CSMD1: variants seen among roughly 807,000 people sequenced by gnomAD.
CSMD1 encodes CUB and sushi domain-containing protein 1.
CSMD1 carries 213 observed loss-of-function variants against 417.5 expected under a neutral mutation model. That is an observed-to-expected ratio of 0.51 (90% confidence interval 0.46 to 0.57). The LOEUF is 0.57. Among genes scored for constraint, CSMD1 ranks in the 20% least tolerant of loss-of-function variants. CSMD1 has a pLI of 0.00. For synonymous variants in CSMD1, 2,862 were observed against 1,736.8 expected, an observed-to-expected ratio of 1.65 and a Z score of -16.11; for missense variants, 6,923 against 4,529.7, an observed-to-expected ratio of 1.53 and a Z score of -15.17.
intron 5 of CSMD1, among the ~76,000 whole-genome samples, chr8:3,846,182 G>C (rs892268173): frequency 1.3e-5 from 2 of 152,146 alleles, no homozygotes; most frequent in Non-Finnish European, 2.9e-5. Flanking sequence ...AAGTGTATGT[G>C]CTAGGCTTTT....
At chr8:4,237,851 TA>T (rs1184213649) in intron 3 of CSMD1, among the ~76,000 whole-genome samples, 1 of 152,196 alleles carries the variant, frequency 6.6e-6, no homozygotes, top group African/African-American at 2.4e-5. Context: ...TATATTGTAT[TA>T]TTTTTTTCTG....
intron 49 of CSMD1, among the ~76,000 whole-genome samples, chr8:3,068,270 T>C (rs191396086): frequency 6.6e-6 from 1 of 152,266 alleles, no homozygotes; most frequent in Admixed American, 6.5e-5. Flanking sequence ...CTTTTTGCAG[T>C]ATGTTGAATC....
intron 3 of CSMD1, among the ~76,000 whole-genome samples, chr8:4,393,061 C>T (rs1241076850): frequency 2.0e-5 from 3 of 152,254 alleles, no homozygotes; most frequent in African/African-American, 7.2e-5. Context: ...CTGTACCCTC[C>T]GCCTCCGGGG....
chr8:3,963,798 TTA>T (rs1483717442), intron 5 of CSMD1, among the ~76,000 whole-genome samples: 1 of 152,156 alleles, frequency 6.6e-6, no homozygotes, highest in African/African-American at 2.4e-5. Flanking sequence ...AGACAGAAAC[TTA>T]ATATTTTGAA....
At chr8:3,448,326 A>AGGGAGGGAG (rs1563399754) in intron 12 of CSMD1, among the ~76,000 whole-genome samples, 3 of 9,580 alleles carry the variant, frequency 3.1e-4, no homozygotes, top group African/African-American at 1.4e-3. Context: ...GAAGGAAGGG[A>AGGGAGGGAG]GCAAGGGAGG....
At chr8:4,059,470 C>T (rs548130689) in intron 3 of CSMD1, among the ~76,000 whole-genome samples, 1 of 152,128 alleles carries the variant, frequency 6.6e-6, no homozygotes, top group East Asian at 1.9e-4. Flanking sequence ...AATAGAGATG[C>T]AAATAACCCT....
intron 2 of CSMD1, among the ~76,000 whole-genome samples, chr8:4,481,923 A>T (rs1585146262): frequency 6.6e-6 from 1 of 152,164 alleles, no homozygotes; most frequent in Non-Finnish European, 1.5e-5. Flanking sequence ...AGGTGTGGAA[A>T]CAACAGAATG....
intron 23 of CSMD1, among the ~76,000 whole-genome samples, chr8:3,321,268 C>A (rs573069824): frequency 2.0e-5 from 3 of 152,240 alleles, no homozygotes; most frequent in Middle Eastern, 3.4e-3. Context: ...TGAGTATTCA[C>A]CCTGGTCCCA....
chr8:3,983,730 G>A (rs1814087116), intron 5 of CSMD1, among the ~76,000 whole-genome samples: 1 of 152,218 alleles, frequency 6.6e-6, no homozygotes. Flanking sequence ...ATGGTTAGAT[G>A]TTCCCCTAGT....
chr8:3,772,183 TATATATACACAC>T (rs1198300949), intron 5 of CSMD1, among the ~76,000 whole-genome samples: 3 of 67,456 alleles, frequency 4.4e-5, no homozygotes, highest in African/African-American at 9.3e-5. Flanking sequence ...TATATATATA[TATATATACACAC>T]ACACACACAC....
At chr8:4,398,837 T>C (rs894189786) in intron 3 of CSMD1, among the ~76,000 whole-genome samples, 1 of 152,238 alleles carries the variant, frequency 6.6e-6, no homozygotes, top group Non-Finnish European at 1.5e-5. Context: ...TTCAAGGTCT[T>C]TTTATGTCTA....
intron 25 of CSMD1, among the ~76,000 whole-genome samples, chr8:3,304,087 C>T (rs1804624167): frequency 6.6e-6 from 1 of 152,016 alleles, no homozygotes; most frequent in African/African-American, 2.4e-5. Flanking sequence ...TGAAACCAGC[C>T]TTTTCATATT....
chr8:3,630,508 T>G (rs1371533754), intron 7 of CSMD1, among the ~76,000 whole-genome samples: 1 of 152,142 alleles, frequency 6.6e-6, no homozygotes, highest in Non-Finnish European at 1.5e-5. Context: ...AATTTATATG[T>G]TAAACAGTTC....
chr8:3,253,753 T>G (rs1489476922), intron 26 of CSMD1, among the ~76,000 whole-genome samples: 2 of 152,222 alleles, frequency 1.3e-5, no homozygotes, highest in Non-Finnish European at 2.9e-5. Context: ...CCTTTTATTT[T>G]GAGCCTATGT....
intron 1 of CSMD1, among the ~76,000 whole-genome samples, chr8:4,952,120 T>G (rs916188813): frequency 6.6e-6 from 1 of 151,876 alleles, no homozygotes; most frequent in Non-Finnish European, 1.5e-5. Flanking sequence ...TAGTCTTAAT[T>G]TCACTAAATA....
At chr8:4,022,255 C>T (rs569873825) in intron 4 of CSMD1, among the ~76,000 whole-genome samples, 1 of 150,540 alleles carries the variant, frequency 6.6e-6, no homozygotes, top group Non-Finnish European at 1.5e-5. Flanking sequence ...CTATGCCTCA[C>T]TATTCATTTG....
intron 23 of CSMD1, among the ~76,000 whole-genome samples, chr8:3,338,807 CTTTCT>C (rs1476463872): frequency 1.9e-4 from 27 of 143,130 alleles, no homozygotes; most frequent in Non-Finnish European, 3.1e-4. Context: ...CATCTCCAGC[CTTTCT>C]TTTTTTTTTT....
chr8:3,788,112 A>G (rs1425843288), intron 5 of CSMD1, among the ~76,000 whole-genome samples: 1 of 152,184 alleles, frequency 6.6e-6, no homozygotes, highest in Non-Finnish European at 1.5e-5. Flanking sequence ...TTAGTTCTAA[A>G]ATTTTCTTTA....
At position 3,668,941 on chromosome 8, in the gene CSMD1, G is replaced by C. The variant is rs575695921; in HGVS notation, c.1009+39473C>G. Among the ~76,000 whole-genome samples the C allele has an allele frequency of 4.7e-4, 72 of 152,284 alleles. 1 individual carries two copies. The highest frequency in any genetic ancestry group is 1.7e-3 in the African/African-American group (70 of 41,560). Reference sequence around the variant, plus strand: ...CCATAGCTCTTTGAGAGGCGTGACAGAAACAGGAAAGATGGGGAGAAATCA... The same window carrying C: ...CCATAGCTCTTTGAGAGGCGTGACACAAACAGGAAAGATGGGGAGAAATCA... On this transcript the variant is annotated intron_variant, in intron 7 of 69. Coordinates refer to ENST00000635120, the MANE Select transcript of CSMD1 (RefSeq NM_033225.6).
Sources: allele counts gnomAD v4.1 joint callset (sites outside exome capture counted in the v4.1 genomes callset), GRCh38; gene constraint gnomAD v4.1.1; transcripts MANE v1.5; gene names NCBI Gene and HGNC (gene_info 2026-07-23, HGNC 2026-07-21).